TMEM74: variants seen among roughly 807,000 people sequenced by gnomAD.
TMEM74 encodes transmembrane protein 74.
TMEM74 carries 13 observed loss-of-function variants against 18.1 expected under a neutral mutation model. That is an observed-to-expected ratio of 0.72 (90% confidence interval 0.47 to 1.14). The LOEUF is 1.14. TMEM74 is among the 50% of genes most tolerant of loss of function. The probability of loss-of-function intolerance (pLI) is 0.00; values close to 1 mark genes in which losing one functional copy is unlikely to be tolerated. For synonymous variants in TMEM74, 159 were observed against 146.6 expected, an observed-to-expected ratio of 1.08 and a Z score of -0.61; for missense variants, 372 against 375.9, an observed-to-expected ratio of 0.99 and a Z score of 0.09.
intron 2 of TMEM74, among the ~76,000 whole-genome samples, chr8:108,642,619 G>C (rs1316055188): frequency 2.6e-5 from 4 of 152,044 alleles, no homozygotes; most frequent in Non-Finnish European, 5.9e-5. Flanking sequence ...ATTAACTACT[G>C]AGATGAATAC....
At chr8:108,696,643 C>CAGT (rs1167587724) in intron 1 of TMEM74, among the ~76,000 whole-genome samples, 1 of 152,198 alleles carries the variant, frequency 6.6e-6, no homozygotes, top group African/African-American at 2.4e-5. Flanking sequence ...GATGAAAGCA[C>CAGT]AGTCTTTGAA....
intron 2 of TMEM74, among the ~76,000 whole-genome samples, chr8:108,643,759 GAAAA>G (rs71564013): frequency 7.0e-6 from 1 of 142,740 alleles, no homozygotes; most frequent in Non-Finnish European, 1.5e-5. Flanking sequence ...ATAGACAAAA[GAAAA>G]AAAAAACAAC....
chr8:108,763,240 C>G (rs1450981032), intron 1 of TMEM74, among the ~76,000 whole-genome samples: 1 of 151,744 alleles, frequency 6.6e-6, no homozygotes, highest in Non-Finnish European at 1.5e-5. Flanking sequence ...TTAGACCATC[C>G]CACATAAAGT....
intron 2 of TMEM74, among the ~76,000 whole-genome samples, chr8:108,620,124 C>A (rs1262466639): frequency 6.6e-6 from 1 of 152,100 alleles, no homozygotes; most frequent in East Asian, 1.9e-4. Context: ...AATTGACTTT[C>A]CATATATCTG....
chr8:108,628,894 A>AT (rs759838123), intron 2 of TMEM74, among the ~76,000 whole-genome samples: 12 of 151,122 alleles, frequency 7.9e-5, no homozygotes, highest in Non-Finnish European at 1.5e-4. Context: ...TGATGGTGAG[A>AT]TTTTTTTTTC....
At chr8:108,755,720 A>G (rs1429185836) in intron 1 of TMEM74, among the ~76,000 whole-genome samples, 1 of 152,074 alleles carries the variant, frequency 6.6e-6, no homozygotes, top group Non-Finnish European at 1.5e-5. Context: ...TAGCAACTAA[A>G]TGTCAAATAC....
intron 1 of TMEM74, among the ~76,000 whole-genome samples, chr8:108,657,862 ATATATATAT>A (rs1563742273): frequency 0.043 from 2,068 of 48,384 alleles, 176 homozygotes; most frequent in East Asian, 0.079. Context: ...AAAAAAAAAT[ATATATATAT>A]ATATATATAT....
chr8:108,694,324 C>G (rs566288313), intron 1 of TMEM74, among the ~76,000 whole-genome samples: 1 of 151,348 alleles, frequency 6.6e-6, no homozygotes. Context: ...AGTATTCAGC[C>G]ATAAAAAGAT....
intron 2 of TMEM74, among the ~76,000 whole-genome samples, chr8:108,644,586 A>G (rs1433949925): frequency 6.6e-6 from 1 of 152,142 alleles, no homozygotes; most frequent in African/African-American, 2.4e-5. Flanking sequence ...GAGAGAAAAC[A>G]TTTGCAAACT....
At chr8:108,771,965 C>T (rs1814178109) in intron 1 of TMEM74, among the ~76,000 whole-genome samples, 1 of 151,704 alleles carries the variant, frequency 6.6e-6, no homozygotes. Context: ...TTAAATGTTG[C>T]TTTAAAAAAA....
intron 1 of TMEM74, among the ~76,000 whole-genome samples, chr8:108,725,660 G>C (rs1813630211): frequency 6.6e-6 from 1 of 152,092 alleles, no homozygotes; most frequent in South Asian, 2.1e-4. Flanking sequence ...AGAGAATATA[G>C]GAACTTGCTC....
intron 1 of TMEM74, among the ~76,000 whole-genome samples, chr8:108,728,156 G>C (rs750545861): frequency 6.6e-6 from 1 of 152,180 alleles, no homozygotes; most frequent in Non-Finnish European, 1.5e-5. Context: ...TGCTGCAAAT[G>C]GGGCTTTTTT....
chr8:108,688,669 T>C (rs985795524), intron 1 of TMEM74, among the ~76,000 whole-genome samples: 3 of 152,208 alleles, frequency 2.0e-5, no homozygotes, highest in African/African-American at 7.2e-5. Flanking sequence ...TGTTGGTTCA[T>C]TACTTTAAAA....
At chr8:108,686,457 C>T (rs1813168486) in intron 1 of TMEM74, among the ~76,000 whole-genome samples, 1 of 152,132 alleles carries the variant, frequency 6.6e-6, no homozygotes, top group Admixed American at 6.5e-5. Context: ...CCGCCTCAGC[C>T]TCCCAAAGTG....
chr8:108,643,371 AGCTAAACTCT>A (rs1812684959), intron 2 of TMEM74, among the ~76,000 whole-genome samples: 1 of 152,196 alleles, frequency 6.6e-6, no homozygotes, highest in African/African-American at 2.4e-5. Flanking sequence ...TGTTAGGCTG[AGCTAAACTCT>A]GCAATCTCAT....
intron 2 of TMEM74, among the ~76,000 whole-genome samples, chr8:108,648,367 T>G (rs948110372): frequency 6.6e-6 from 1 of 152,092 alleles, no homozygotes; most frequent in African/African-American, 2.4e-5. Context: ...AATTGAGGCA[T>G]CTGGGCTGAC....
intron 1 of TMEM74, among the ~76,000 whole-genome samples, chr8:108,717,987 C>G (rs1455539683): frequency 2.1e-5 from 1 of 48,118 alleles, no homozygotes; most frequent in Non-Finnish European, 2.8e-5. Context: ...GAGACGGAGT[C>G]TCGCTCTGTC....
Position 108,762,121 on chromosome 8 carries a change from G to T in TMEM74, n.119+25355C>A, listed in dbSNP as rs558311546. Among the ~76,000 whole-genome samples, 9 of 152,264 alleles carry T rather than the reference G, an allele frequency of 5.9e-5. No individual in the cohort carries two copies. In the East Asian group the frequency reaches 1.7e-3, roughly 29 times the overall value. On this transcript the variant is annotated intron_variant and non_coding_transcript_variant, in intron 1 of 3. Transcript: ENST00000518838. The stretch of plus-strand genomic sequence containing the variant: ...ACATCATCTTCAATAAGATTTTGAG[G>T]CAGAAACAACTGTGCTTCATGAATG...
chr8:108,707,265 C>T (rs554071757), intron 1 of TMEM74, among the ~76,000 whole-genome samples: 1 of 151,880 alleles, frequency 6.6e-6, no homozygotes, highest in Non-Finnish European at 1.5e-5. Flanking sequence ...AGCAAACCAA[C>T]ATGGCACATG....
Sources: gnomAD v4.1 joint callset for allele counts (sites outside exome capture counted in the v4.1 genomes callset) on GRCh38, gnomAD v4.1.1 for gene constraint, MANE v1.5 for transcripts, NCBI Gene and HGNC (gene_info 2026-07-23, HGNC 2026-07-21) for gene names.